The following TMEM161B variants were observed in gnomAD, a reference collection of about 807,000 sequenced individuals.
TMEM161B encodes the protein transmembrane protein 161B.
Under a neutral mutation model 61.8 loss-of-function variants are expected in TMEM161B, and 34 were observed. The ratio of observed to expected loss-of-function variants is 0.55; its 90% CI spans 0.42 to 0.73. TMEM161B has a LOEUF of 0.73. TMEM161B is among the 30% of genes least tolerant of loss of function. The pLI, the probability that TMEM161B is intolerant of heterozygous loss-of-function variation, is 0.00. For missense variants in TMEM161B, 456 were observed against 558.5 expected, an observed-to-expected ratio of 0.82 and a Z score of 1.85; for synonymous variants, 167 against 192.8, an observed-to-expected ratio of 0.87 and a Z score of 1.11.
intron 1 of TMEM161B, among the ~76,000 whole-genome samples, chr5:88,268,083 C>T (rs957703267): frequency 1.3e-4 from 20 of 152,186 alleles, no homozygotes; most frequent in African/African-American, 4.8e-4. Context: ...TCTGCCTAAC[C>T]TTTAAGGTGC....
chr5:88,227,227 T>C, intron 3 of TMEM161B, among the ~76,000 whole-genome samples: 1 of 152,166 alleles, frequency 6.6e-6, no homozygotes, highest in Non-Finnish European at 1.5e-5. Flanking sequence ...ATAGTAGCTA[T>C]AAATGGGTGG....
rs148223110 is a variant in TMEM161B at position 88,236,675 on chromosome 5, A to C, written c.107+4138T>G. ...GAGAAAGAGACAGTGTGAGGGCATT[A>C]GATTCTTAAACTCTACTTAATACTT... On this transcript the variant is annotated intron_variant, in intron 2 of 11. Transcript: ENST00000296595. Among the ~76,000 whole-genome samples, 776 of 152,304 alleles carry C rather than the reference A, an allele frequency of 5.1e-3. 1 individual carries two copies. Among genetic ancestry groups the C allele is most frequent in the South Asian group, 8.3e-3 (40 of 4,830 alleles).
intron 1 of TMEM161B, among the ~76,000 whole-genome samples, chr5:88,248,007 G>C (rs564102906): frequency 9.3e-4 from 142 of 152,178 alleles, no homozygotes; most frequent in African/African-American, 3.3e-3. Context: ...AGAAATTATT[G>C]AGAGCAAAAA....
chr5:88,205,698 T>C (rs917301363), intron 8 of TMEM161B, 116 bp downstream of exon 8: 2 of 1,204,318 alleles, frequency 1.7e-6, no homozygotes, highest in Non-Finnish European at 1.1e-6. Flanking sequence ...TAGTGTGACA[T>C]CAAATGGTTA....
chr5:88,240,090 G>A (rs1203035314), intron 2 of TMEM161B, among the ~76,000 whole-genome samples: 2 of 151,728 alleles, frequency 1.3e-5, no homozygotes, highest in Non-Finnish European at 2.9e-5. Context: ...TAATTTTGTT[G>A]AGGGGTGGGA....
chr5:88,228,103 C>G (rs538845302), intron 3 of TMEM161B, among the ~76,000 whole-genome samples: 90 of 152,254 alleles, frequency 5.9e-4, no homozygotes, highest in Admixed American at 1.4e-3. Flanking sequence ...TACACAGTAG[C>G]AGCAAAAACT....
At chr5:88,268,120 A>G (rs1472562386) in intron 1 of TMEM161B, among the ~76,000 whole-genome samples, 1 of 152,124 alleles carries the variant, frequency 6.6e-6, no homozygotes, top group Non-Finnish European at 1.5e-5. Context: ...CATTCTCCCT[A>G]CTGCAACAGT....
intron 9 of TMEM161B, 188 bp downstream of exon 9, chr5:88,202,770 TTAAC>T (rs1408274385): frequency 5.0e-6 from 3 of 600,964 alleles, no homozygotes; most frequent in African/African-American, 1.9e-5. Context: ...ATCATTAACA[TTAAC>T]TAATAAAGAT....
downstream of TMEM161B, chr5:88,190,107 T>G: frequency 1.4e-6 from 1 of 700,854 alleles, no homozygotes; most frequent in Non-Finnish European, 2.6e-6. Context: ...TGGATAAGCC[T>G]CCACCCACCC....
At chr5:88,227,092 G>C (rs573987652) in intron 3 of TMEM161B, among the ~76,000 whole-genome samples, 8 of 152,274 alleles carry the variant, frequency 5.3e-5, no homozygotes, top group African/African-American at 1.9e-4. Flanking sequence ...GTGAGGCTGA[G>C]GTGGGAAGAT....
intron 1 of TMEM161B, among the ~76,000 whole-genome samples, chr5:88,255,795 C>T (rs1224682831): frequency 6.6e-6 from 1 of 151,936 alleles, no homozygotes; most frequent in Non-Finnish European, 1.5e-5. Context: ...GGTCAAAAAG[C>T]ATAAATCCTC....
Position 88,241,415 on chromosome 5 carries a change from T to C in TMEM161B, c.4-499A>G, listed in dbSNP as rs540359072. Reference sequence around the variant, plus strand: ...AATATAAACTTAAAATGAATTAGTATACACATCTATAATCTATTCTCAAGA... The same window carrying C: ...AATATAAACTTAAAATGAATTAGTACACACATCTATAATCTATTCTCAAGA... On this transcript the variant is annotated intron_variant, in intron 1 of 11. Transcript: ENST00000296595. 2.6e-4 allele frequency among the ~76,000 whole-genome samples: 40 copies of C among 152,024 alleles called. No homozygotes were observed. The East Asian group carries it at 3.7e-3, about 14-fold the overall frequency.
At chr5:88,237,548 A>G (rs1752058143) in intron 2 of TMEM161B, among the ~76,000 whole-genome samples, 1 of 152,092 alleles carries the variant, frequency 6.6e-6, no homozygotes, top group Non-Finnish European at 1.5e-5. Context: ...GAAACTGAGA[A>G]ACTTCCATTA....
chr5:88,229,805 C>T (rs577732039), intron 2 of TMEM161B, among the ~76,000 whole-genome samples: 3 of 151,402 alleles, frequency 2.0e-5, no homozygotes, highest in African/African-American at 4.8e-5. Context: ...AGGGTAGTCT[C>T]GAACTCCTGG....
intron 2 of TMEM161B, among the ~76,000 whole-genome samples, chr5:88,230,584 T>C (rs1276211821): frequency 1.3e-5 from 2 of 152,170 alleles, no homozygotes; most frequent in Admixed American, 1.3e-4. Context: ...CATTTGAAGG[T>C]GACACTTTCT....
downstream of TMEM161B, among the ~76,000 whole-genome samples, chr5:88,194,329 C>CT (rs1749292114): frequency 6.6e-6 from 1 of 152,056 alleles, no homozygotes; most frequent in African/African-American, 2.4e-5. Flanking sequence ...TAGTTTCATT[C>CT]TTTTTTTACG....
intron 1 of TMEM161B, among the ~76,000 whole-genome samples, chr5:88,244,097 T>C (rs910559946): frequency 7.9e-5 from 12 of 152,038 alleles, no homozygotes; most frequent in South Asian, 2.1e-4. Flanking sequence ...TGTTTGTTGA[T>C]AGTTTCCTTT....
At chr5:88,248,425 G>C (rs540455359) in intron 1 of TMEM161B, among the ~76,000 whole-genome samples, 2 of 151,948 alleles carry the variant, frequency 1.3e-5, no homozygotes, top group Non-Finnish European at 2.9e-5. Context: ...TACACACCAA[G>C]CTAAAAGTTC....
chr5:88,234,254 G>GT (rs1751490308), intron 2 of TMEM161B, among the ~76,000 whole-genome samples: 1 of 152,176 alleles, frequency 6.6e-6, no homozygotes, highest in South Asian at 2.1e-4. Flanking sequence ...AACCAGAGTT[G>GT]TGGTTTGGTA....
Sources: allele counts gnomAD v4.1 joint callset (sites outside exome capture counted in the v4.1 genomes callset), GRCh38; gene constraint gnomAD v4.1.1; transcripts MANE v1.5; gene names NCBI Gene and HGNC (gene_info 2026-07-23, HGNC 2026-07-21).